Variants in P2RY10 observed in about 807,000 individuals in gnomAD.
P2RY10 encodes putative P2Y purinoceptor 10.
A neutral mutation model predicts 12.1 loss-of-function variants in P2RY10; 4 were observed. That is an observed-to-expected ratio of 0.33 (90% CI 0.16 to 0.76). P2RY10 has a LOEUF of 0.76. Among genes scored for constraint, P2RY10 ranks in the 30% least tolerant of loss-of-function variants. P2RY10 has a pLI of 0.61. For missense variants in P2RY10, 233 were observed against 264.6 expected, an observed-to-expected ratio of 0.88 and a Z score of 0.83; for synonymous variants, 112 against 94.1, an observed-to-expected ratio of 1.19 and a Z score of -1.10.
At chrX:78,958,693 A>G (rs1282274344) in intron 3 of P2RY10, among the ~76,000 whole-genome samples, 1 of 112,202 alleles carries the variant, frequency 8.9e-6, no homozygotes, top group Non-Finnish European at 1.9e-5. Flanking sequence ...TCGTCACCAC[A>G]TGATAATTAT....
At chrX:78,957,013 G>T (rs1379701882) in intron 3 of P2RY10, among the ~76,000 whole-genome samples, 2 of 111,168 alleles carry the variant, frequency 1.8e-5, no homozygotes, top group Non-Finnish European at 3.8e-5. Context: ...CAGCAGCCTG[G>T]ATTAGGATGG....
intron 2 of P2RY10, among the ~76,000 whole-genome samples, chrX:78,950,421 A>C (rs892167210): frequency 6.3e-5 from 7 of 111,429 alleles, no homozygotes. Flanking sequence ...AGTATATAAA[A>C]TTACTGAAAT....
chrX:78,951,934 G>A (rs978933037), intron 2 of P2RY10, among the ~76,000 whole-genome samples: 1 of 110,987 alleles, frequency 9.0e-6, no homozygotes, highest in Non-Finnish European at 1.9e-5. Context: ...GCTCCCAACA[G>A]ACTCCAATGT....
intron 2 of P2RY10, among the ~76,000 whole-genome samples, chrX:78,949,153 AT>A (rs1478373050): frequency 9.0e-6 from 1 of 110,848 alleles, no homozygotes; most frequent in Non-Finnish European, 1.9e-5. Flanking sequence ...GATGTGGAGC[AT>A]TTTTTCGTGT....
intron 1 of P2RY10, among the ~76,000 whole-genome samples, chrX:78,947,088 G>A (rs1036417164): frequency 1.8e-5 from 2 of 110,400 alleles, no homozygotes; most frequent in African/African-American, 3.3e-5. Flanking sequence ...AGTGGCAGGC[G>A]CCTGTAATCC....
At chrX:78,956,207 T>C (rs1922326442) in intron 3 of P2RY10, among the ~76,000 whole-genome samples, 1 of 111,725 alleles carries the variant, frequency 9.0e-6, no homozygotes. Flanking sequence ...ATAGGATATG[T>C]CTGACCACCT....
In P2RY10 at chrX:78,952,231, C is replaced by T; in HGVS notation, c.-118C>T. On this transcript the variant is annotated 5_prime_UTR_variant, in exon 3 of 4. Transcript: ENST00000171757. ...GCTGGTCATTCCCTTCAGGATTTGG[C>T]ACTCACCAACATACCCTTCTTTCAA... 1.3e-6 allele frequency: 1 copy of T among 746,516 alleles called. No homozygotes were observed. The highest frequency in any genetic ancestry group is 1.6e-6 in the Non-Finnish European group (1 of 632,241). 61.5% of individuals were successfully genotyped at this position (746,516 alleles called of 1,213,427 possible).
At chrX:78,957,824 G>T (rs1036139045) in intron 3 of P2RY10, among the ~76,000 whole-genome samples, 1 of 112,385 alleles carries the variant, frequency 8.9e-6, no homozygotes, top group South Asian at 3.7e-4. Flanking sequence ...CTAGCTTGCT[G>T]TTCTGGCATA....
intron 1 of P2RY10, 71 bp from the exon 2 acceptor site, chrX:78,947,744 T>G (rs2858575): frequency 0.085 from 18,893 of 221,723 alleles, 738 homozygotes; most frequent in South Asian, 0.17. Context: ...AGAGAGGACA[T>G]TCTGGAAATG....
At chrX:78,946,593 T>A in intron 1 of P2RY10, among the ~76,000 whole-genome samples, 1 of 112,114 alleles carries the variant, frequency 8.9e-6, no homozygotes, top group Non-Finnish European at 1.9e-5. Context: ...TGTGGAGTCA[T>A]TATGATGTAT....
rs187357485 is a variant in P2RY10, at chrX:78,946,161, A to G, written c.-206+666A>G. 8.1e-5 allele frequency among the ~76,000 whole-genome samples: 9 copies of G among 111,627 alleles called. No individual in the cohort carries two copies. The East Asian group carries it at 2.5e-3, about 31-fold the overall frequency. On this transcript the variant is annotated intron_variant, in intron 1 of 3. Coordinates refer to ENST00000171757, the MANE Select transcript of P2RY10 (RefSeq NM_014499.4). Reference sequence around the variant, plus strand: ...TTTGCCTTTTCCTACAGCAGTTTGCATCTCCCAGAGAATACTGTAAATTTA... The same window carrying G: ...TTTGCCTTTTCCTACAGCAGTTTGCGTCTCCCAGAGAATACTGTAAATTTA...
In P2RY10 at chrX:78,956,827, G is replaced by A. The variant is rs147507068; in HGVS notation, c.-13-3681G>A. On this transcript the variant is annotated intron_variant, in intron 3 of 3. Coordinates refer to ENST00000171757, the MANE Select transcript of P2RY10 (RefSeq NM_014499.4). Reference sequence around the variant, plus strand: ...GAAATAATCACAGGACTCCTGTGAGGATGGATGACATAATGAATAAAGTGT... The same window carrying A: ...GAAATAATCACAGGACTCCTGTGAGAATGGATGACATAATGAATAAAGTGT... Among the ~76,000 whole-genome samples, 181 of 111,652 alleles carry A rather than the reference G, an allele frequency of 1.6e-3. 1 individual carries two copies. Among genetic ancestry groups the A allele is most frequent in the African/African-American group, 5.6e-3 (172 of 30,734 alleles).
chrX:78,955,862 G>T (rs1190728828), intron 3 of P2RY10, among the ~76,000 whole-genome samples: 2 of 112,025 alleles, frequency 1.8e-5, no homozygotes, highest in East Asian at 5.6e-4. Context: ...CTAGCAAATA[G>T]CTCATAGGAT....
intron 3 of P2RY10, among the ~76,000 whole-genome samples, chrX:78,956,313 A>G (rs1414368154): frequency 9.0e-6 from 1 of 111,695 alleles, no homozygotes; most frequent in African/African-American, 3.3e-5. Context: ...TATTGATAGG[A>G]GAAGCCCAAG....
chrX:78,949,432 G>A (rs779376973), intron 2 of P2RY10, among the ~76,000 whole-genome samples: 1 of 111,917 alleles, frequency 8.9e-6, no homozygotes, highest in Admixed American at 9.5e-5. Context: ...TTACAAAAGA[G>A]GAAACTGAAG....
chrX:78,947,138 C>A (rs1054046472), intron 1 of P2RY10, among the ~76,000 whole-genome samples: 5 of 110,207 alleles, frequency 4.5e-5, no homozygotes, highest in Non-Finnish European at 9.5e-5. Context: ...TCGCTCGAAA[C>A]CGAGAGATGG....
intron 3 of P2RY10, among the ~76,000 whole-genome samples, chrX:78,954,513 C>T (rs1412411236): frequency 1.8e-5 from 2 of 112,104 alleles, no homozygotes; most frequent in African/African-American, 6.5e-5. Context: ...TGCCCATTCC[C>T]AAAACTGCTT....
In P2RY10 at chrX:78,961,987, A is replaced by T; in HGVS notation, c.*447A>T. 1 of 122,393 alleles carries T rather than the reference A, an allele frequency of 8.2e-6. No homozygotes were observed. Among genetic ancestry groups the T allele is most frequent in the Non-Finnish European group, 1.8e-5 (1 of 54,533 alleles). 10.1% of individuals were successfully genotyped at this position (122,393 alleles called of 1,213,427 possible). ...TCTTTCTAACAGGTAAATTTTTCTA[A>T]CAGGCAAGACAGTGTGAAGAATTGA... is the stretch of plus-strand genomic sequence containing the variant. On this transcript the variant is annotated 3_prime_UTR_variant, in exon 4 of 4. Coordinates refer to ENST00000171757, the MANE Select transcript of P2RY10 (RefSeq NM_014499.4).
chrX:78,949,055 A>AT (rs985709622), intron 2 of P2RY10, among the ~76,000 whole-genome samples: 31 of 107,707 alleles, frequency 2.9e-4, no homozygotes, highest in South Asian at 3.9e-4. Flanking sequence ...ACCAGCATCT[A>AT]TTTTTTTTTC....
Sources: gnomAD v4.1 joint callset for allele counts (sites outside exome capture counted in the v4.1 genomes callset) on GRCh38, gnomAD v4.1.1 for gene constraint, MANE v1.5 for transcripts, NCBI Gene and HGNC (gene_info 2026-07-23, HGNC 2026-07-21) for gene names.